The following ZPBP variants were observed in gnomAD, a reference collection of about 807,000 sequenced individuals.
ZPBP encodes the protein zona pellucida-binding protein 1.
ZPBP carries 26 observed loss-of-function variants against 44.8 expected under a neutral mutation model. That is an observed-to-expected ratio of 0.58 (90% CI 0.43 to 0.81). The LOEUF (loss-of-function observed/expected upper bound fraction) is 0.81. Ranked by LOEUF, ZPBP falls within the 30% of genes least tolerant of loss-of-function variation. The pLI, the probability that ZPBP is intolerant of heterozygous loss-of-function variation, is 0.00. For missense variants in ZPBP, 409 were observed against 434.0 expected (o/e 0.94, Z 0.51); for synonymous variants, 174 against 153.2 (o/e 1.14, Z -1.00).
intron 2 of ZPBP, among the ~76,000 whole-genome samples, chr7:49,875,034 T>C (rs934566547): frequency 6.6e-6 from 1 of 152,012 alleles, no homozygotes; most frequent in Non-Finnish European, 1.5e-5. Context: ...AAACAGTTTA[T>C]GAACTTGTTT....
the ZPBP span, among the ~76,000 whole-genome samples, chr7:49,842,551 C>A: frequency 1.3e-4 from 20 of 152,250 alleles, 1 homozygote; most frequent in South Asian, 4.1e-3. Context: ...TGAATCCACA[C>A]CCTTACCTGT....
At chr7:50,040,766 T>C (rs931568398) in intron 4 of ZPBP, among the ~76,000 whole-genome samples, 1 of 152,072 alleles carries the variant, frequency 6.6e-6, no homozygotes, top group African/African-American at 2.4e-5. Flanking sequence ...CAGGAGTTTA[T>C]TTTTCACACC....
chr7:49,899,472 G>T (rs1792587505), intron 2 of ZPBP, among the ~76,000 whole-genome samples: 1 of 151,988 alleles, frequency 6.6e-6, no homozygotes. Flanking sequence ...AAAGTAAATG[G>T]ATGGATAAAG....
At chr7:49,956,937 T>A (rs1034301094) in intron 7 of ZPBP, among the ~76,000 whole-genome samples, 1 of 152,198 alleles carries the variant, frequency 6.6e-6, no homozygotes, top group Non-Finnish European at 1.5e-5. Context: ...GTTTGAATGT[T>A]TGTCCCTTCC....
chr7:49,853,924 T>C (rs1452469503), intron 2 of ZPBP, among the ~76,000 whole-genome samples: 1 of 147,226 alleles, frequency 6.8e-6, no homozygotes, highest in Non-Finnish European at 1.5e-5. Context: ...TCCAAATGTT[T>C]TCATTGTTCA....
At chr7:49,983,565 T>G (rs1405864236) in intron 6 of ZPBP, 46 bp from the exon 7 acceptor site, 1 of 1,272,082 alleles carries the variant, frequency 7.9e-7, no homozygotes, top group Admixed American at 2.2e-5. Flanking sequence ...ATAAAAAATG[T>G]AATTTTAGAA....
In ZPBP at chr7:49,914,246, T is replaced by A. The variant is rs751442281; in HGVS notation, n.412-13031A>T. ...CAGTCCATGCAGCTCAAAGTCTTCC[T>A]GTTTCCCTTAATAATAATTCCTACC... On this transcript the variant is annotated intron_variant and non_coding_transcript_variant, in intron 1 of 2. Coordinates refer to the ZPBP transcript ENST00000465922. 5.9e-5 allele frequency: 9 copies of A among 152,388 alleles called. No individual in the cohort carries two copies. The South Asian group carries it at 1.9e-3, about 32-fold the overall frequency. 9.4% of individuals were successfully genotyped at this position (152,388 alleles called of 1,614,324 possible).
intron 1 of ZPBP, among the ~76,000 whole-genome samples, chr7:49,922,800 T>C (rs1260038306): frequency 1.3e-5 from 2 of 152,094 alleles, no homozygotes; most frequent in East Asian, 1.9e-4. Flanking sequence ...ACAAATACAA[T>C]GGAGCAGAAA....
chr7:49,978,217 G>A (rs372979998), intron 7 of ZPBP, among the ~76,000 whole-genome samples: 5 of 151,534 alleles, frequency 3.3e-5, no homozygotes, highest in Admixed American at 2.0e-4. Flanking sequence ...TAAAAACAAC[G>A]TAATATTAGG....
At chr7:50,014,653 T>TG (rs1187074549) in intron 6 of ZPBP, among the ~76,000 whole-genome samples, 1 of 151,506 alleles carries the variant, frequency 6.6e-6, no homozygotes, top group Admixed American at 6.6e-5. Flanking sequence ...TTAGTAGAGA[T>TG]GGGGTTTCTC....
intron 7 of ZPBP, among the ~76,000 whole-genome samples, chr7:49,959,019 T>C (rs184886928): frequency 6.6e-6 from 1 of 152,222 alleles, no homozygotes; most frequent in Non-Finnish European, 1.5e-5. Flanking sequence ...AATGCAAGTG[T>C]TGGTTCAGAA....
At chr7:49,949,473 G>T (rs1374744926) in intron 7 of ZPBP, among the ~76,000 whole-genome samples, 4 of 152,070 alleles carry the variant, frequency 2.6e-5, no homozygotes, top group Admixed American at 2.6e-4. Context: ...TCTGACACAT[G>T]CTATAACATG....
intron 6 of ZPBP, among the ~76,000 whole-genome samples, chr7:50,012,983 G>C (rs1798657433): frequency 6.6e-6 from 1 of 151,804 alleles, no homozygotes; most frequent in African/African-American, 2.4e-5. Flanking sequence ...GCTGAAAATT[G>C]AAACAACTAG....
intron 3 of ZPBP, among the ~76,000 whole-genome samples, chr7:50,072,693 G>T (rs1801905566): frequency 6.6e-6 from 1 of 152,212 alleles, no homozygotes; most frequent in Admixed American, 6.5e-5. Flanking sequence ...TCCCTGCCTG[G>T]TAATCCAGAA....
intron 2 of ZPBP, among the ~76,000 whole-genome samples, chr7:49,878,468 T>C (rs762732844): frequency 7.9e-5 from 12 of 152,192 alleles, no homozygotes; most frequent in Non-Finnish European, 1.2e-4. Flanking sequence ...TCTTAAATAA[T>C]GTATTTGCTC....
intron 7 of ZPBP, among the ~76,000 whole-genome samples, chr7:49,978,051 A>C (rs1796606910): frequency 6.7e-6 from 1 of 150,260 alleles, no homozygotes; most frequent in African/African-American, 2.5e-5. Flanking sequence ...ATGCTACTTG[A>C]TCTACAAGTT....
chr7:50,060,102 G>A (rs1801169728), intron 3 of ZPBP, among the ~76,000 whole-genome samples: 1 of 152,230 alleles, frequency 6.6e-6, no homozygotes, highest in East Asian at 1.9e-4. Flanking sequence ...GAAGGGATAA[G>A]TGAAGTAGAC....
chr7:49,971,127 T>C (rs1796288907), intron 7 of ZPBP, among the ~76,000 whole-genome samples: 2 of 152,002 alleles, frequency 1.3e-5, no homozygotes, highest in South Asian at 4.1e-4. Context: ...CAAAGACTTA[T>C]GCCATCCAGC....
At chr7:49,995,803 T>C (rs1056837629) in intron 6 of ZPBP, among the ~76,000 whole-genome samples, 2 of 152,298 alleles carry the variant, frequency 1.3e-5, no homozygotes, top group East Asian at 3.9e-4. Context: ...CTCATTCGTA[T>C]GTGGGAACGA....
Sources: allele counts gnomAD v4.1 joint callset (sites outside exome capture counted in the v4.1 genomes callset), GRCh38; gene constraint gnomAD v4.1.1; transcripts MANE v1.5; gene names NCBI Gene and HGNC (gene_info 2026-07-23, HGNC 2026-07-21).